Variants in ABL1 observed in about 807,000 individuals in gnomAD.
ABL1 encodes the protein ABL proto-oncogene 1, non-receptor tyrosine kinase.
A neutral mutation model predicts 94.7 loss-of-function variants in ABL1; 11 were observed. The observed-to-expected ratio is 0.12, with a 90% CI of 0.07 to 0.19. The LOEUF (loss-of-function observed/expected upper bound fraction) is 0.19. Among genes scored for constraint, ABL1 ranks in the 10% least tolerant of loss-of-function variants. The probability of loss-of-function intolerance (pLI) is 1.00; values close to 1 mark genes in which losing one functional copy is unlikely to be tolerated. For synonymous variants in ABL1, 656 were observed against 622.4 expected (o/e 1.05, Z -0.80); for missense variants, 1,082 against 1,489.4 (o/e 0.73, Z 4.50).
At chr9:130,868,029 G>A (rs12006244) in intron 4 of ABL1, among the ~76,000 whole-genome samples, 7,375 of 151,334 alleles carry the variant, frequency 0.049, 344 homozygotes, top group African/African-American at 0.12. Context: ...GCGTGATCTC[G>A]GCTCACCGCA....
intron 1 of ABL1, among the ~76,000 whole-genome samples, chr9:130,734,523 C>CTTTT (rs1381752821): frequency 8.9e-6 from 1 of 112,574 alleles, no homozygotes; most frequent in Non-Finnish European, 1.8e-5. Flanking sequence ...CCTGAATCTT[C>CTTTT]TTTTTTTTTT....
At chr9:130,733,602 C>CA (rs1416871063) in intron 1 of ABL1, among the ~76,000 whole-genome samples, 1 of 98,220 alleles carries the variant, frequency 1.0e-5, no homozygotes, top group Non-Finnish European at 1.8e-5. Context: ...TTTTTTGAGA[C>CA]AGAGTCTCAC....
rs1564278751 is a variant in ABL1, at chr9:130,750,402, TC to T, written c.136+35950del. Among the ~76,000 whole-genome samples, 8 of 7,256 alleles carry T rather than the reference TC, an allele frequency of 1.1e-3. 1 individual carries two copies. In the Admixed American group the frequency reaches 0.015, roughly 13 times the overall value. 4.8% of individuals were successfully genotyped at this position (7,256 alleles called of 152,430 possible). On this transcript the variant is annotated intron_variant, in intron 1 of 10. Transcript: ENST00000372348. ...TTCCCTCCTTCCCTCCTTCCCTTCC[TC>T]CCTCCCTCCCTCCCTCCCTCCCTCC...
chr9:130,865,690 G>A (rs147918332), intron 4 of ABL1, among the ~76,000 whole-genome samples: 1 of 146,512 alleles, frequency 6.8e-6, no homozygotes, highest in Non-Finnish European at 1.5e-5. Context: ...AGGCTGCAGT[G>A]AGCCGTAATC....
chr9:130,742,473 C>T (rs1409483408), intron 1 of ABL1, among the ~76,000 whole-genome samples: 1 of 152,154 alleles, frequency 6.6e-6, no homozygotes, highest in Admixed American at 6.5e-5. Context: ...GCTTAAATAA[C>T]CCATCTTAGC....
At chr9:130,809,541 A>C (rs1220754495) in intron 1 of ABL1, among the ~76,000 whole-genome samples, 1 of 152,152 alleles carries the variant, frequency 6.6e-6, no homozygotes, top group African/African-American at 2.4e-5. Context: ...ATGGAGACTT[A>C]GGAGAGCCAA....
rs1294488443 is a variant in ABL1, at chr9:130,814,154, G to A, written c.137-39910G>A. Among the ~76,000 whole-genome samples the A allele has an allele frequency of 6.6e-5, 10 of 151,996 alleles. No homozygotes were observed. The highest frequency in any genetic ancestry group is 1.0e-4 in the Non-Finnish European group (7 of 67,990). ...ACAAAAATTAGCTGGGCGTGGTGGC[G>A]CTTGCCTGTGTAATCCCAGCTACTC... On this transcript the variant is annotated intron_variant, in intron 1 of 10. Coordinates refer to the ABL1 transcript ENST00000372348. This position sits in a 1 kb window ranked among gnomAD's most constrained non-coding sequence, Gnocchi z 4.4.
chr9:130,879,927 C>A, intron 8 of ABL1, 141 bp from the exon 9 acceptor site: 1 of 746,318 alleles, frequency 1.3e-6, no homozygotes, highest in Admixed American at 2.2e-5. Context: ...TGATGACATT[C>A]ATCGTTTTGA....
chr9:130,780,202 G>A (rs1829738334), intron 1 of ABL1, among the ~76,000 whole-genome samples: 1 of 152,118 alleles, frequency 6.6e-6, no homozygotes, highest in South Asian at 2.1e-4. Context: ...CAGGAGAATC[G>A]CTTGAACCCA....
chr9:130,723,333 C>T (rs1271787743), intron 1 of ABL1, among the ~76,000 whole-genome samples: 2 of 152,054 alleles, frequency 1.3e-5, no homozygotes, highest in Non-Finnish European at 2.9e-5. Flanking sequence ...CCTCTGAGAC[C>T]AGGAGTTTGA....
At chr9:130,826,217 T>C (rs1042545363) in intron 1 of ABL1, among the ~76,000 whole-genome samples, 9 of 151,952 alleles carry the variant, frequency 5.9e-5, no homozygotes, top group Non-Finnish European at 1.2e-4. Flanking sequence ...ACCTCCTGGG[T>C]TCAGGCGATT....
chr9:130,870,311 A>G (rs1480731951), intron 4 of ABL1, among the ~76,000 whole-genome samples: 3 of 152,230 alleles, frequency 2.0e-5, no homozygotes, highest in Non-Finnish European at 4.4e-5. Context: ...CATACCTCTC[A>G]AGATTATTAC....
At chr9:130,811,893 CAG>C (rs1417101904) in intron 1 of ABL1, among the ~76,000 whole-genome samples, 1 of 109,614 alleles carries the variant, frequency 9.1e-6, no homozygotes, top group Non-Finnish European at 1.7e-5. Context: ...GTCTGAGCGA[CAG>C]AGTGAGACTC....
chr9:130,749,458 C>T (rs1391150741), intron 1 of ABL1, among the ~76,000 whole-genome samples: 1 of 152,252 alleles, frequency 6.6e-6, no homozygotes, highest in Admixed American at 6.5e-5. Context: ...CCTCCCAGAG[C>T]CTATCCCCTC....
intron 1 of ABL1, among the ~76,000 whole-genome samples, chr9:130,801,014 T>C (rs1830047594): frequency 6.7e-6 from 1 of 150,004 alleles, no homozygotes; most frequent in Admixed American, 6.7e-5. Context: ...CACTGCAACC[T>C]CTGCCTGCTG....
chr9:130,844,125 T>C (rs1347139729), intron 1 of ABL1, among the ~76,000 whole-genome samples: 1 of 152,182 alleles, frequency 6.6e-6, no homozygotes, highest in African/African-American at 2.4e-5. Flanking sequence ...CATGCTCTCT[T>C]CTGCCTCTCG....
rs1478279018 is a variant in ABL1, at chr9:130,872,074, C to T, written c.823-55C>T. 1 of 1,521,074 alleles carries T rather than the reference C, an allele frequency of 6.6e-7. No individual in the cohort carries two copies. Among genetic ancestry groups the T allele is most frequent in the Non-Finnish European group, 9.1e-7 (1 of 1,098,962 alleles). The allele number at this position is 1,521,074 out of a possible 1,614,324, so 94.2% of individuals were successfully genotyped here. A position where few individuals can be genotyped will look rare whatever the true frequency, so the allele number is the denominator to read the frequency against. ...TTTGCATTAACTAGTCAAGTACTTACCCACTGAAAAGCACTTCCTGAAATA... is the reference window on the plus strand; with the variant it reads ...TTTGCATTAACTAGTCAAGTACTTATCCACTGAAAAGCACTTCCTGAAATA... On this transcript the variant is annotated intron_variant, in intron 4 of 10. Coordinates refer to ENST00000318560, the MANE Select transcript of ABL1 (RefSeq NM_005157.6). This position sits in a 1 kb window ranked among gnomAD's most constrained non-coding sequence, Gnocchi z 5.0.
rs761427686 is a variant in ABL1 at position 130,884,991 on chromosome 9, C to G, written c.2701C>G (p.Pro901Ala). Reference protein sequence around the residue: ...KLSRLKPAPPPPPAASAGKAG... With the variant: ...KLSRLKPAPPAPPAASAGKAG... The stretch of plus-strand genomic sequence containing the variant: ...GTCCAGGCTCAAACCTGCCCCGCCG[C>G]CCCCACCAGCAGCCTCTGCAGGGAA... Residue 901 changes from proline to alanine, a missense_variant, in exon 11 of 11, where the codon CCC (proline) becomes GCC (alanine). Physicochemically the swap from Pro to Ala is conservative, Grantham distance 27 (BLOSUM62 -1). This residue lies in a region of ABL1 where 780 missense variants were observed against 835.8 expected (regional missense o/e 0.93). Coordinates refer to ENST00000318560, the MANE Select transcript of ABL1 (RefSeq NM_005157.6). The surrounding 1 kb of genome is among the most constrained non-coding windows in gnomAD (Gnocchi z 5.6). 1 of 1,611,408 alleles carries G rather than the reference C, an allele frequency of 6.2e-7. No homozygotes were observed. The highest frequency in any genetic ancestry group is 2.2e-5 in the East Asian group (1 of 44,840).
intron 1 of ABL1, among the ~76,000 whole-genome samples, chr9:130,844,255 AG>A (rs918696168): frequency 3.9e-5 from 6 of 152,200 alleles, no homozygotes; most frequent in Non-Finnish European, 8.8e-5. Flanking sequence ...GACCCAGCCA[AG>A]GGCGTGGTAG....
Sources: gnomAD v4.1 joint callset for allele counts (sites outside exome capture counted in the v4.1 genomes callset) on GRCh38, gnomAD v4.1.1 for gene constraint, gnomAD v4.1.1 regional missense constraint, Gnocchi (gnomAD v3.1) non-coding constraint, MANE v1.5 for transcripts, NCBI Gene and HGNC (gene_info 2026-07-23, HGNC 2026-07-21) for gene names.